The following ZNF730 variants were observed in gnomAD, a reference collection of about 807,000 sequenced individuals.
ZNF730 encodes zinc finger protein 730.
A neutral mutation model predicts 12.6 loss-of-function variants in ZNF730; 12 were observed. The ratio of observed to expected loss-of-function variants is 0.95; its 90% CI spans 0.61 to 1.54. The LOEUF (loss-of-function observed/expected upper bound fraction) is 1.54. ZNF730 is among the 40% of genes most tolerant of loss of function. The probability of loss-of-function intolerance (pLI) is 0.00; values close to 1 mark genes in which losing one functional copy is unlikely to be tolerated. For missense variants in ZNF730, 643 were observed against 583.5 expected (o/e 1.10, Z -1.05); for synonymous variants, 194 against 195.8 (o/e 0.99, Z 0.08).
rs1970537861 is a variant in ZNF730, at chr19:23,117,048, A to G, written c.-126A>G. Reference sequence around the variant, plus strand: ...CGGCCTTTGTTTCTCGCTGCCGCCGAAGCTCCAATTTTCGTCTGTCTGCTT... The same window carrying G: ...CGGCCTTTGTTTCTCGCTGCCGCCGGAGCTCCAATTTTCGTCTGTCTGCTT... On this transcript the variant is annotated 5_prime_UTR_variant, in exon 1 of 4. Transcript: ENST00000597761. 6.2e-6 allele frequency: 9 copies of G among 1,449,392 alleles called. 1 individual carries two copies. The South Asian group carries it at 1.1e-4, about 17-fold the overall frequency. The allele number at this position is 1,449,392 out of a possible 1,614,324, so 89.8% of individuals were successfully genotyped here. A position where few individuals can be genotyped will look rare whatever the true frequency, so the allele number is the denominator to read the frequency against.
intron 1 of ZNF730, among the ~76,000 whole-genome samples, chr19:23,087,300 C>A (rs1028158217): frequency 5.3e-5 from 8 of 151,868 alleles, no homozygotes; most frequent in Admixed American, 3.3e-4. Flanking sequence ...CCCAGGTACT[C>A]AGAAGGCTGA....
At chr19:23,106,431 A>G (rs1970393304) in intron 1 of ZNF730, among the ~76,000 whole-genome samples, 1 of 152,168 alleles carries the variant, frequency 6.6e-6, no homozygotes, top group African/African-American at 2.4e-5. Flanking sequence ...GTATATTTAG[A>G]TACAATGTAG....
intron 1 of ZNF730, chr19:23,127,061 A>T: frequency 1.9e-6 from 1 of 518,626 alleles, no homozygotes; most frequent in South Asian, 1.5e-5. Context: ...AACCAATTCT[A>T]TTGTAATAAT....
intron 2 of ZNF730, among the ~76,000 whole-genome samples, chr19:23,135,221 TAAAAAAAAAAAAAAAAAAA>T (rs57748615): frequency 1.5e-3 from 59 of 38,824 alleles, no homozygotes; most frequent in South Asian, 4.8e-3. Flanking sequence ...GAATGATCAA[TAAAAAAAAAAAAAAAAAAA>T]AAAAAAAAAA....
intron 1 of ZNF730, among the ~76,000 whole-genome samples, chr19:23,093,590 G>C (rs1002193231): frequency 1.3e-5 from 2 of 152,160 alleles, no homozygotes; most frequent in Non-Finnish European, 2.9e-5. Flanking sequence ...GGACAGGGCT[G>C]GGGGAGCCTG....
At chr19:23,116,706 C>T (rs1303963142), upstream of ZNF730, among the ~76,000 whole-genome samples, 2 of 151,932 alleles carry the variant, frequency 1.3e-5, no homozygotes, top group Admixed American at 1.3e-4. Context: ...CAGGCGTGAG[C>T]CACCGCGCCC....
intron 1 of ZNF730, among the ~76,000 whole-genome samples, chr19:23,109,375 C>T (rs1970433944): frequency 6.6e-6 from 1 of 151,422 alleles, no homozygotes; most frequent in Non-Finnish European, 1.5e-5. Flanking sequence ...ACTACAGGCA[C>T]ACACCACCAC....
At chr19:23,081,508 T>G (rs1406910699) in intron 1 of ZNF730, among the ~76,000 whole-genome samples, 1 of 151,942 alleles carries the variant, frequency 6.6e-6, no homozygotes, top group Non-Finnish European at 1.5e-5. Flanking sequence ...TTAGTAGAGA[T>G]GGGGTTTCAC....
intron 1 of ZNF730, among the ~76,000 whole-genome samples, chr19:23,096,896 G>A (rs1970260628): frequency 6.6e-6 from 1 of 152,170 alleles, no homozygotes; most frequent in African/African-American, 2.4e-5. Flanking sequence ...CCTAGGAAAT[G>A]TGACTTTATG....
intron 3 of ZNF730, among the ~76,000 whole-genome samples, chr19:23,142,286 A>G (rs1425685575): frequency 6.6e-6 from 1 of 152,186 alleles, no homozygotes; most frequent in African/African-American, 2.4e-5. Flanking sequence ...ATCTACTTCC[A>G]TCTTCCCACT....
chr19:23,105,919 T>G (rs1401201739), intron 1 of ZNF730, among the ~76,000 whole-genome samples: 2 of 152,196 alleles, frequency 1.3e-5, no homozygotes, highest in African/African-American at 4.8e-5. Context: ...ATGCATTTCC[T>G]TCAGTGAAGG....
At chr19:23,123,579 A>G (rs79201247) in intron 1 of ZNF730, 1 of 139,866 alleles carries the variant, frequency 7.1e-6, no homozygotes, top group Admixed American at 7.1e-5. Context: ...CTCCATCTCA[A>G]AAAAAAAAAA....
chr19:23,127,374 C>A (rs1456160323), intron 1 of ZNF730: 5 of 764,834 alleles, frequency 6.5e-6, no homozygotes, highest in Non-Finnish European at 9.2e-6. Flanking sequence ...TGCATCACAA[C>A]TGTGTTCTTG....
intron 1 of ZNF730, among the ~76,000 whole-genome samples, chr19:23,083,353 G>C (rs745896215): frequency 1.2e-4 from 19 of 152,236 alleles, no homozygotes; most frequent in Middle Eastern, 3.4e-3. Context: ...GAACCGGGGA[G>C]GGGGAGGTTG....
chr19:23,084,551 T>G (rs1970024982), intron 1 of ZNF730, among the ~76,000 whole-genome samples: 1 of 152,124 alleles, frequency 6.6e-6, no homozygotes, highest in Admixed American at 6.6e-5. Flanking sequence ...TCATATGGGT[T>G]TGTTGTAAAG....
chr19:23,091,000 CAAA>C (rs145906466), intron 1 of ZNF730, among the ~76,000 whole-genome samples: 3 of 125,576 alleles, frequency 2.4e-5, no homozygotes, highest in Non-Finnish European at 3.4e-5. Flanking sequence ...GACTTCGTCT[CAAA>C]AAAAAAAAAA....
intron 1 of ZNF730, among the ~76,000 whole-genome samples, chr19:23,085,826 A>ATTTTTTTTT (rs1383951518): frequency 4.1e-5 from 3 of 72,546 alleles, no homozygotes; most frequent in African/African-American, 1.8e-4. Context: ...ATTTCACCCA[A>ATTTTTTTTT]TTTTTTTTTC....
At chr19:23,083,622 C>A (rs1970006205) in intron 1 of ZNF730, among the ~76,000 whole-genome samples, 1 of 149,712 alleles carries the variant, frequency 6.7e-6, no homozygotes. Context: ...TATAGCCATT[C>A]TAATAGCGTT....
chr19:23,145,274 T>C lies in ZNF730; in HGVS notation c.230T>C (p.Ile77Thr). ...TTGTTATTTTTATTTCTTTCAGTTA[T>C]ATGTTCTCATATTGCCCAAGACCTT... ...THDMVAKPPV[I>T]CSHIAQDLWP... The change falls in exon 4 of 4, where the codon ATA becomes ACA. Residue 77 changes from isoleucine to threonine, a missense_variant. Physicochemically the swap from Ile to Thr is moderately conservative, Grantham distance 89. Transcript: ENST00000597761. 5 of 1,514,472 alleles carry C rather than the reference T, an allele frequency of 3.3e-6. No individual in the cohort carries two copies. Among genetic ancestry groups the C allele is most frequent in the Non-Finnish European group, 4.4e-6 (5 of 1,135,442 alleles). 93.8% of individuals were successfully genotyped at this position (1,514,472 alleles called of 1,614,324 possible). A position where few individuals can be genotyped will look rare whatever the true frequency, so the allele number is the denominator to read the frequency against.
Sources: allele counts gnomAD v4.1 joint callset (sites outside exome capture counted in the v4.1 genomes callset), GRCh38; gene constraint gnomAD v4.1.1; transcripts MANE v1.5; gene names NCBI Gene and HGNC (gene_info 2026-07-23, HGNC 2026-07-21).